The following VRTN variants were observed in gnomAD, a reference collection of about 807,000 sequenced individuals.
VRTN encodes the protein vertebrae development associated, also known as vertnin.
A neutral mutation model predicts 18.2 loss-of-function variants in VRTN; 5 were observed. The observed-to-expected ratio is 0.27, with a 90% confidence interval of 0.14 to 0.58. The LOEUF (loss-of-function observed/expected upper bound fraction) is 0.58, where lower values mean the gene tolerates loss of function less well. VRTN is among the 20% of genes least tolerant of loss of function. VRTN has a pLI of 0.91. For synonymous variants in VRTN, 381 were observed against 393.7 expected, an observed-to-expected ratio of 0.97 and a Z score of 0.38; for missense variants, 741 against 939.4, an observed-to-expected ratio of 0.79 and a Z score of 2.76.
chr14:74,357,192 C>T lies in VRTN; in HGVS notation c.409C>T (p.Leu137=). 3 of 1,608,580 alleles carry T rather than the reference C, an allele frequency of 1.9e-6. No homozygotes were observed. Among genetic ancestry groups the T allele is most frequent in the Non-Finnish European group, 2.5e-6 (3 of 1,178,098 alleles). Residue 137 remains leucine, a synonymous_variant, in exon 2 of 2, where the codon CTA becomes TTA. Transcript: ENST00000256362. The surrounding 1 kb of genome is among the most constrained non-coding windows in gnomAD (Gnocchi z 7.8). ...KVMLQAVRYS[L]CSEESPEMTS... ...GATGCTGCAGGCCGTGCGCTACTCC[C>T]TATGCTCTGAGGAGTCCCCTGAGAT... is the stretch of plus-strand genomic sequence containing the variant.
chr14:74,321,460 G>T (rs184702148), intron 1 of VRTN, among the ~76,000 whole-genome samples: 1 of 151,946 alleles, frequency 6.6e-6, no homozygotes, highest in Non-Finnish European at 1.5e-5. Context: ...GGAAGTAACC[G>T]GGATGTCTGG....
Position 74,358,999 on chromosome 14 carries a change from C to T in VRTN, c.*107C>T. 4 of 1,464,614 alleles carry T rather than the reference C, an allele frequency of 2.7e-6. No individual in the cohort carries two copies. Among genetic ancestry groups the T allele is most frequent in the Non-Finnish European group, 3.6e-6 (4 of 1,106,102 alleles). 90.7% of individuals were successfully genotyped at this position (1,464,614 alleles called of 1,614,324 possible). A position where few individuals can be genotyped will look rare whatever the true frequency, so the allele number is the denominator to read the frequency against. ...AGGATGTCCTTTGCTCTGGGTCCCACAGTGTCTACCCTAAGTCCAAGGGTA... is the reference window on the plus strand; with the variant it reads ...AGGATGTCCTTTGCTCTGGGTCCCATAGTGTCTACCCTAAGTCCAAGGGTA... On this transcript the variant is annotated 3_prime_UTR_variant, in exon 2 of 2. Transcript: ENST00000256362. The surrounding 1 kb of genome is among the most constrained non-coding windows in gnomAD (Gnocchi z 5.4).
intron 1 of VRTN, among the ~76,000 whole-genome samples, chr14:74,351,495 GT>G (rs59810913): frequency 0.67 from 59,768 of 89,560 alleles, 21,291 homozygotes; most frequent in East Asian, 0.85. Flanking sequence ...TGATTACCAG[GT>G]TTTTTTTTTT....
chr14:74,332,673 T>C (rs1394935549), intron 1 of VRTN, among the ~76,000 whole-genome samples: 1 of 151,968 alleles, frequency 6.6e-6, no homozygotes, highest in Non-Finnish European at 1.5e-5. Flanking sequence ...TATTTTTTTT[T>C]CTTCACTTCC....
At chr14:74,337,893 C>A (rs1451144347) in intron 2 of VRTN, 1 of 152,088 alleles carries the variant, frequency 6.6e-6, no homozygotes, top group Non-Finnish European at 1.5e-5. Flanking sequence ...AGGTAAGTGT[C>A]CTTCCCCTTT....
At chr14:74,326,740 A>T (rs554485983) in intron 1 of VRTN, among the ~76,000 whole-genome samples, 1 of 152,018 alleles carries the variant, frequency 6.6e-6, no homozygotes, top group African/African-American at 2.4e-5. Flanking sequence ...GCCGAGCTCC[A>T]CACCACACCA....
At position 74,357,505 on chromosome 14, in the gene VRTN, T is replaced by C. The variant is rs1192765624; in HGVS notation, c.722T>C (p.Val241Ala). The change falls in exon 2 of 2, where the codon GTG becomes GCG. Residue 241 changes from valine (V) to alanine (A), a missense_variant. Physicochemically the swap from Val to Ala is moderately conservative, Grantham distance 64. Around this residue, in one of 3 missense-constraint regions of VRTN, gnomAD observed 494 missense variants for 546.5 expected, o/e 0.90. Transcript: ENST00000256362. The surrounding 1 kb of genome is among the most constrained non-coding windows in gnomAD (Gnocchi z 7.8). ...FFRHQYFAPV[V>A]GLEEVEAEGA... ...CGCCACCAGTACTTTGCCCCTGTGG[T>C]GGGGCTGGAAGAGGTGGAGGCTGAA... The C allele has an allele frequency of 2.5e-6, 4 of 1,612,982 alleles. No individual in the cohort carries two copies. The highest frequency in any genetic ancestry group is 3.4e-6 in the Non-Finnish European group (4 of 1,179,976).
chr14:74,329,411 G>A (rs1290306930), intron 1 of VRTN, among the ~76,000 whole-genome samples: 2 of 152,068 alleles, frequency 1.3e-5, no homozygotes, highest in Non-Finnish European at 2.9e-5. Flanking sequence ...ACCACGAATA[G>A]CTAGTGGTTT....
In VRTN at chr14:74,358,995, C is replaced by A. The variant is rs1301683197; in HGVS notation, c.*103C>A. The A allele has an allele frequency of 2.7e-6, 4 of 1,468,122 alleles. No homozygotes were observed. The highest frequency in any genetic ancestry group is 3.6e-6 in the Non-Finnish European group (4 of 1,107,988). 90.9% of individuals were successfully genotyped at this position (1,468,122 alleles called of 1,614,324 possible). A position where few individuals can be genotyped will look rare whatever the true frequency, so the allele number is the denominator to read the frequency against. On this transcript the variant is annotated 3_prime_UTR_variant, in exon 2 of 2. Coordinates refer to ENST00000256362, the MANE Select transcript of VRTN (RefSeq NM_018228.3). This position sits in a 1 kb window ranked among gnomAD's most constrained non-coding sequence, Gnocchi z 5.4. ...GGCCAGGATGTCCTTTGCTCTGGGT[C>A]CCACAGTGTCTACCCTAAGTCCAAG... is the stretch of plus-strand genomic sequence containing the variant.
chr14:74,326,960 A>G (rs1257780361), intron 1 of VRTN, among the ~76,000 whole-genome samples: 1 of 135,956 alleles, frequency 7.4e-6, no homozygotes, highest in Non-Finnish European at 1.6e-5. Flanking sequence ...AGGACAATCC[A>G]TCCCACCCAC....
chr14:74,352,101 C>T (rs552881259), intron 1 of VRTN, among the ~76,000 whole-genome samples: 31 of 152,274 alleles, frequency 2.0e-4, no homozygotes, highest in Non-Finnish European at 3.1e-4. Flanking sequence ...CCGCCTGCCT[C>T]GTCCTCCCAA....
At chr14:74,354,348 A>G (rs2085708615) in intron 1 of VRTN, among the ~76,000 whole-genome samples, 2 of 151,996 alleles carry the variant, frequency 1.3e-5, no homozygotes, top group South Asian at 4.2e-4. Flanking sequence ...GCTTAGTTAT[A>G]ATGTGGAATT....
At chr14:74,339,945 CT>C (rs1417991860) in intron 2 of VRTN, among the ~76,000 whole-genome samples, 1 of 151,724 alleles carries the variant, frequency 6.6e-6, no homozygotes, top group Admixed American at 6.6e-5. Flanking sequence ...GAAGCCTTTT[CT>C]TTTTTTTGAG....
At chr14:74,347,255 G>C (rs1028859407), upstream of VRTN, among the ~76,000 whole-genome samples, 1 of 152,170 alleles carries the variant, frequency 6.6e-6, no homozygotes, top group South Asian at 2.1e-4. Flanking sequence ...TTCTAGTAAG[G>C]GGCAGGATTG....
In VRTN at chr14:74,312,056, C is replaced by T. The variant is rs139888906; in HGVS notation, c.-164+8880C>T. 2.2e-3 allele frequency among the ~76,000 whole-genome samples: 333 copies of T among 152,344 alleles called. 2 individuals are homozygous for T. Among genetic ancestry groups the T allele is most frequent in the African/African-American group, 7.6e-3 (314 of 41,586 alleles). On this transcript the variant is annotated intron_variant, in intron 1 of 2. Coordinates refer to the VRTN transcript ENST00000557177. ...AAGTGCTGGGGTTACAGGCATGAGCCACCGCGCCCAGCCAGCATACACAGA... is the reference window on the plus strand; with the variant it reads ...AAGTGCTGGGGTTACAGGCATGAGCTACCGCGCCCAGCCAGCATACACAGA...
In VRTN at chr14:74,316,044, T is replaced by C. The variant is rs1308617831; in HGVS notation, c.-164+12868T>C. Among the ~76,000 whole-genome samples the C allele has an allele frequency of 2.6e-5, 4 of 152,196 alleles. No individual in the cohort carries two copies. In the South Asian group the frequency reaches 6.2e-4, roughly 24 times the overall value. Reference sequence around the variant, plus strand: ...CTGAGGCAATTCTCAAAGGAGCTGATAGCTGAAGGCTGTCTGCTTACGGCA... The same window carrying C: ...CTGAGGCAATTCTCAAAGGAGCTGACAGCTGAAGGCTGTCTGCTTACGGCA... On this transcript the variant is annotated intron_variant, in intron 1 of 2. Coordinates refer to the VRTN transcript ENST00000557177.
chr14:74,337,020 A>C (rs535533005), intron 1 of VRTN, among the ~76,000 whole-genome samples: 1 of 152,294 alleles, frequency 6.6e-6, no homozygotes, highest in Admixed American at 6.5e-5. Context: ...GTCCTTGAAG[A>C]ATGTATTTTT....
intron 2 of VRTN, among the ~76,000 whole-genome samples, chr14:74,342,291 G>T (rs936399278): frequency 1.3e-5 from 2 of 151,566 alleles, no homozygotes; most frequent in Admixed American, 6.6e-5. Context: ...TATCTGTTCG[G>T]ACTGTGGTTC....
intron 1 of VRTN, among the ~76,000 whole-genome samples, chr14:74,320,242 C>A (rs978964712): frequency 1.7e-4 from 25 of 146,950 alleles, no homozygotes; most frequent in African/African-American, 5.8e-4. Context: ...AGAGCAAGAT[C>A]CCATCCCTTT....
Sources: allele counts gnomAD v4.1 joint callset (sites outside exome capture counted in the v4.1 genomes callset), GRCh38; gene constraint gnomAD v4.1.1; regional missense constraint gnomAD v4.1.1; non-coding constraint Gnocchi (gnomAD v3.1); transcripts MANE v1.5; gene names NCBI Gene and HGNC (gene_info 2026-07-23, HGNC 2026-07-21).